FAM219B: variants seen among roughly 807,000 people sequenced by gnomAD.
FAM219B encodes family with sequence similarity 219 member B, also known as protein FAM219B.
Under a neutral mutation model 19.9 loss-of-function variants are expected in FAM219B, and 18 were observed. That is an observed-to-expected ratio of 0.91 (90% confidence interval 0.63 to 1.34). FAM219B has a LOEUF of 1.34. Among genes scored for constraint, FAM219B ranks in the 40% most tolerant of loss-of-function variants. The pLI is 0.00. For missense variants in FAM219B, 283 were observed against 270.5 expected (o/e 1.05, Z -0.32); for synonymous variants, 123 against 117.5 (o/e 1.05, Z -0.30).
rs1419485919 is a variant in FAM219B, at chr15:74,902,573, C to A, written c.*46G>T. On this transcript the variant is annotated 3_prime_UTR_variant, in exon 5 of 5. Transcript: ENST00000357635. Reference sequence around the variant, plus strand: ...TGTGAGCTATGAGTGGCCAACAGGGCTCTGTAGGCCTCATGGTGAGCAGGG... The same window carrying A: ...TGTGAGCTATGAGTGGCCAACAGGGATCTGTAGGCCTCATGGTGAGCAGGG... The A allele has an allele frequency of 3.2e-6, 5 of 1,539,148 alleles. No homozygotes were observed. The highest frequency in any genetic ancestry group is 4.4e-6 in the Non-Finnish European group (5 of 1,141,028).
downstream of FAM219B, chr15:74,898,114 G>A (rs546455756): frequency 5.5e-6 from 2 of 362,826 alleles, no homozygotes; most frequent in African/African-American, 2.1e-5. Context: ...GGGTTCTAGC[G>A]ATGGGACTGC....
rs911920660 is a variant in FAM219B, at chr15:74,906,805, G to A, written c.-5C>T. On this transcript the variant is annotated 5_prime_UTR_variant, in exon 1 of 5. Coordinates refer to ENST00000357635, the MANE Select transcript of FAM219B (RefSeq NM_020447.5). ...GCTGGGCTCCGCGGTCGCCATGGCC[G>A]GGCCCCGCCCTGCCGGATGGTGCAA... The A allele has an allele frequency of 3.5e-5, 45 of 1,279,678 alleles. No individual in the cohort carries two copies. The African/African-American group carries it at 6.0e-4, about 17-fold the overall frequency. The allele number at this position is 1,279,678 out of a possible 1,614,324, so 79.3% of individuals were successfully genotyped here. A position where few individuals can be genotyped will look rare whatever the true frequency, so the allele number is the denominator to read the frequency against.
chr15:74,906,107 C>T, intron 2 of FAM219B, 171 bp downstream of exon 2: 1 of 689,750 alleles, frequency 1.4e-6, no homozygotes, highest in Non-Finnish European at 2.4e-6. Flanking sequence ...CTATCACATC[C>T]TTAAAGGAAA....
At chr15:74,905,272 A>G (rs779557785) in intron 2 of FAM219B, 41 bp from the exon 3 acceptor site, 1 of 1,596,856 alleles carries the variant, frequency 6.3e-7, no homozygotes, top group Non-Finnish European at 8.6e-7. Flanking sequence ...CATAGATGAA[A>G]GCATAGGCAT....
intron 3 of FAM219B, 113 bp from the exon 4 acceptor site, chr15:74,904,825 A>T: frequency 2.7e-6 from 4 of 1,479,908 alleles, no homozygotes; most frequent in Non-Finnish European, 9.4e-7. Flanking sequence ...CAAAGGCCAC[A>T]CACAACAGAA....
At chr15:74,904,514 AC>A in intron 4 of FAM219B, 149 bp downstream of exon 4, 1 of 919,764 alleles carries the variant, frequency 1.1e-6, no homozygotes, top group Non-Finnish European at 1.7e-6. Flanking sequence ...CTATACCTCC[AC>A]CGGGGGAAGA....
chr15:74,904,546 G>T, intron 4 of FAM219B, 118 bp downstream of exon 4: 1 of 1,255,522 alleles, frequency 8.0e-7, no homozygotes, highest in Non-Finnish European at 1.2e-6. Context: ...GAAGATCGTA[G>T]AACAGACCAG....
At position 74,901,385 on chromosome 15, in the gene FAM219B, T is replaced by C. The variant is rs2064952362; in HGVS notation, c.*1234A>G. On this transcript the variant is annotated 3_prime_UTR_variant, in exon 5 of 5. Coordinates refer to ENST00000357635, the MANE Select transcript of FAM219B (RefSeq NM_020447.5). ...AGTATAGCAAGATATACTCTCCAAT[T>C]TGTGGGTAGGGGGTGTCACAGCAGA... The C allele has an allele frequency of 6.6e-6, 1 of 152,052 alleles. No homozygotes were observed. Among genetic ancestry groups the C allele is most frequent in the South Asian group, 2.1e-4 (1 of 4,828 alleles). 9.4% of individuals were successfully genotyped at this position (152,052 alleles called of 1,614,324 possible). A position where few individuals can be genotyped will look rare whatever the true frequency, so the allele number is the denominator to read the frequency against.
At position 74,902,049 on chromosome 15, in the gene FAM219B, T is replaced by A. The variant is rs2064980986; in HGVS notation, c.*570A>T. ...CAACCTGCTATGATCCCTGTCATAG[T>A]TAGACAGGTGCAACCTGAAGAGGGA... On this transcript the variant is annotated 3_prime_UTR_variant, in exon 5 of 5. Transcript: ENST00000357635. 1 of 398,412 alleles carries A rather than the reference T, an allele frequency of 2.5e-6. No individual in the cohort carries two copies. Among genetic ancestry groups the A allele is most frequent in the Non-Finnish European group, 4.4e-6 (1 of 226,004 alleles). The allele number at this position is 398,412 out of a possible 1,614,324, so 24.7% of individuals were successfully genotyped here.
downstream of FAM219B, chr15:74,898,141 AGAG>A (rs2064851882): frequency 2.8e-6 from 1 of 350,912 alleles, no homozygotes; most frequent in Admixed American, 3.8e-5. Context: ...CCTCAGCTGC[AGAG>A]GAGGAAAGGG....
intron 2 of FAM219B, chr15:74,905,971 A>C (rs2065170080): frequency 2.9e-6 from 1 of 345,746 alleles, no homozygotes; most frequent in Admixed American, 4.4e-5. Context: ...CCATTCCCAC[A>C]CTGCTCTTCG....
At position 74,902,029 on chromosome 15, in the gene FAM219B, T is replaced by C. The variant is rs1022053360; in HGVS notation, c.*590A>G. ...GATCCTGCTGTATCATTAAGCAACC[T>C]GCTATGATCCCTGTCATAGTTAGAC... On this transcript the variant is annotated 3_prime_UTR_variant, in exon 5 of 5. Transcript: ENST00000357635. The C allele has an allele frequency of 1.5e-5, 6 of 398,202 alleles. No individual in the cohort carries two copies. The highest frequency in any genetic ancestry group is 1.2e-3 in the Middle Eastern group (2 of 1,610). The allele number at this position is 398,202 out of a possible 1,614,324, so 24.7% of individuals were successfully genotyped here.
chr15:74,900,858 T>C lies in FAM219B; in HGVS notation c.*1761A>G, dbSNP rs948796325. 1 of 152,236 alleles carries C rather than the reference T, an allele frequency of 6.6e-6. No homozygotes were observed. The highest frequency in any genetic ancestry group is 1.9e-4 in the East Asian group (1 of 5,202). The allele number at this position is 152,236 out of a possible 1,614,324, so 9.4% of individuals were successfully genotyped here. On this transcript the variant is annotated 3_prime_UTR_variant, in exon 5 of 5. Transcript: ENST00000357635. Reference sequence around the variant, plus strand: ...GTAGAGTAAGTCAGCCCCCAGATACTGTATATTCCTCTCAACCTTCCATGG... The same window carrying C: ...GTAGAGTAAGTCAGCCCCCAGATACCGTATATTCCTCTCAACCTTCCATGG...
chr15:74,903,974 G>A (rs1454240002), intron 4 of FAM219B, among the ~76,000 whole-genome samples: 1 of 152,218 alleles, frequency 6.6e-6, no homozygotes, highest in Non-Finnish European at 1.5e-5. Flanking sequence ...AAGTTGTTTG[G>A]TCTGGAAGAA....
intron 4 of FAM219B, among the ~76,000 whole-genome samples, chr15:74,903,917 G>GA (rs1368724147): frequency 6.6e-6 from 1 of 152,160 alleles, no homozygotes; most frequent in African/African-American, 2.4e-5. Flanking sequence ...GCTATCCCAG[G>GA]AGTGTTTTAG....
Position 74,906,306 on chromosome 15 carries a change from G to C in FAM219B, c.274C>G (p.Pro92Ala), listed in dbSNP as rs370049878. 28 of 1,613,478 alleles carry C rather than the reference G, an allele frequency of 1.7e-5. No individual in the cohort carries two copies. Among genetic ancestry groups the C allele is most frequent in the Non-Finnish European group, 2.4e-5 (28 of 1,179,946 alleles). The change falls in exon 2 of 5, where the codon CCG becomes GCG. Residue 92 changes from proline to alanine, a missense_variant. By Grantham distance (27) the Pro-to-Ala change is conservative (BLOSUM62 -1). Coordinates refer to ENST00000357635, the MANE Select transcript of FAM219B (RefSeq NM_020447.5). ...LRRKGMLGAS[P>A]NRPDSSGKRS... is the part of the protein sequence containing the mutation. ...TTCCCTGAAGAGTCTGGGCGGTTCG[G>C]CGAGGCCCCCAGCATGCCTTTTCTC...
intron 4 of FAM219B, among the ~76,000 whole-genome samples, chr15:74,903,223 T>C (rs1311638340): frequency 6.6e-6 from 1 of 152,198 alleles, no homozygotes; most frequent in Non-Finnish European, 1.5e-5. Flanking sequence ...TACACACTGC[T>C]GGTTAGACTT....
chr15:74,901,849 G>A lies in FAM219B; in HGVS notation c.*770C>T. On this transcript the variant is annotated 3_prime_UTR_variant, in exon 5 of 5. Coordinates refer to ENST00000357635, the MANE Select transcript of FAM219B (RefSeq NM_020447.5). Reference sequence around the variant, plus strand: ...ATCTTTAGCTCAAAGACTGGGTGAAGAAACTCACCCAGACCAAGGAAATAC... The same window carrying A: ...ATCTTTAGCTCAAAGACTGGGTGAAAAAACTCACCCAGACCAAGGAAATAC... 1 of 349,160 alleles carries A rather than the reference G, an allele frequency of 2.9e-6. No homozygotes were observed. The highest frequency in any genetic ancestry group is 4.3e-5 in the East Asian group (1 of 23,402). The allele number at this position is 349,160 out of a possible 1,614,324, so 21.6% of individuals were successfully genotyped here.
chr15:74,906,452 T>G, intron 1 of FAM219B, 87 bp from the exon 2 acceptor site: 4 of 1,542,186 alleles, frequency 2.6e-6, no homozygotes, highest in Non-Finnish European at 3.5e-6. Flanking sequence ...TCCGAACGGA[T>G]TTTGAGGGGC....
Sources: gnomAD v4.1 joint callset for allele counts (sites outside exome capture counted in the v4.1 genomes callset) on GRCh38, gnomAD v4.1.1 for gene constraint, MANE v1.5 for transcripts, NCBI Gene and HGNC (gene_info 2026-07-23, HGNC 2026-07-21) for gene names.